Variants in MGAT4D observed in about 807,000 individuals in gnomAD.
MGAT4D encodes the protein MGAT4 family member D, also known as alpha-1,3-mannosyl-glycoprotein 4-beta-N-acetylglucosaminyltransferase-like protein MGAT4D.
A neutral mutation model predicts 15.9 loss-of-function variants in MGAT4D; 34 were observed. The observed-to-expected ratio is 2.14, with a 90% confidence interval of 1.62 to 2.84. MGAT4D has a LOEUF of 2.84. Ranked by LOEUF, MGAT4D falls within the 30% of genes most tolerant of loss-of-function variation. The pLI, the probability that MGAT4D is intolerant of heterozygous loss-of-function variation, is 0.00. For missense variants in MGAT4D, 327 were observed against 140.2 expected (o/e 2.33, Z -6.73); for synonymous variants, 112 against 48.2 (o/e 2.33, Z -5.49).
intron 6 of MGAT4D, 142 bp downstream of exon 6, chr4:140,464,754 G>A (rs1731418195): frequency 5.0e-6 from 3 of 594,276 alleles, no homozygotes; most frequent in Non-Finnish European, 6.0e-6. Flanking sequence ...GGGAAGTGAT[G>A]CACATAGTTG....
chr4:140,456,785 A>G (rs1730836412), intron 8 of MGAT4D, 66 bp from the exon 9 acceptor site: 4 of 547,726 alleles, frequency 7.3e-6, no homozygotes, highest in Non-Finnish European at 1.3e-5. Context: ...TTAACATGGG[A>G]AAAAGCAAAA....
At chr4:140,492,500 C>G (rs1439901054) in intron 1 of MGAT4D, among the ~76,000 whole-genome samples, 1 of 152,036 alleles carries the variant, frequency 6.6e-6, no homozygotes, top group Non-Finnish European at 1.5e-5. Flanking sequence ...TGGTGGCACG[C>G]GCCTGTAGTC....
At chr4:140,489,387 G>A (rs1229397970) in intron 1 of MGAT4D, among the ~76,000 whole-genome samples, 1 of 152,022 alleles carries the variant, frequency 6.6e-6, no homozygotes, top group Non-Finnish European at 1.5e-5. Context: ...ACATTACAAA[G>A]CGTATATAAG....
At chr4:140,491,813 T>C (rs1019867529) in intron 1 of MGAT4D, among the ~76,000 whole-genome samples, 6 of 151,884 alleles carry the variant, frequency 4.0e-5, no homozygotes, top group African/African-American at 7.3e-5. Context: ...TCCAGAGAAA[T>C]TGAAACCACC....
At chr4:140,469,256 C>T (rs1731752045) in intron 5 of MGAT4D, among the ~76,000 whole-genome samples, 1 of 152,156 alleles carries the variant, frequency 6.6e-6, no homozygotes, top group African/African-American at 2.4e-5. Flanking sequence ...TTTTCTGCCA[C>T]GTTTGTTTCA....
At chr4:140,460,428 T>C (rs962696932) in intron 7 of MGAT4D, among the ~76,000 whole-genome samples, 1 of 152,196 alleles carries the variant, frequency 6.6e-6, no homozygotes, top group Non-Finnish European at 1.5e-5. Context: ...CTGAGGTATC[T>C]TTTATAAGGG....
intron 1 of MGAT4D, among the ~76,000 whole-genome samples, chr4:140,490,975 T>A (rs1204553070): frequency 6.6e-6 from 1 of 152,228 alleles, no homozygotes; most frequent in Non-Finnish European, 1.5e-5. Flanking sequence ...AACTAGATAT[T>A]CCAACATGAA....
At chr4:140,480,113 T>A (rs946402745) in intron 2 of MGAT4D, among the ~76,000 whole-genome samples, 7 of 152,092 alleles carry the variant, frequency 4.6e-5, no homozygotes, top group African/African-American at 1.4e-4. Flanking sequence ...AGCAATGTAG[T>A]CAAAACAGTG....
intron 1 of MGAT4D, among the ~76,000 whole-genome samples, chr4:140,483,887 A>C (rs1376998079): frequency 6.6e-6 from 1 of 152,212 alleles, no homozygotes; most frequent in Admixed American, 6.5e-5. Context: ...CTTAAGTGTA[A>C]GACCTGAAAC....
intron 1 of MGAT4D, among the ~76,000 whole-genome samples, chr4:140,483,103 C>T (rs1732854500): frequency 1.3e-5 from 2 of 152,108 alleles, no homozygotes; most frequent in African/African-American, 4.8e-5. Flanking sequence ...TTTTTATTTG[C>T]CTCTGCTCCT....
chr4:140,485,202 C>T (rs1733020661), intron 1 of MGAT4D, among the ~76,000 whole-genome samples: 1 of 152,132 alleles, frequency 6.6e-6, no homozygotes, highest in Admixed American at 6.5e-5. Context: ...ACATATACAC[C>T]ATGGAATACT....
intron 3 of MGAT4D, among the ~76,000 whole-genome samples, chr4:140,478,455 T>C (rs10003126): frequency 0.032 from 4,882 of 152,330 alleles, 264 homozygotes; most frequent in African/African-American, 0.11. Flanking sequence ...TTGTCTAGCA[T>C]GTACTTTCTC....
chr4:140,460,332 T>C (rs1731092386), intron 7 of MGAT4D, among the ~76,000 whole-genome samples: 1 of 152,178 alleles, frequency 6.6e-6, no homozygotes, highest in South Asian at 2.1e-4. Context: ...AACAAGGTGC[T>C]AGCAGGCTTA....
chr4:140,455,643 C>T (rs67831024), intron 9 of MGAT4D, among the ~76,000 whole-genome samples: 29,443 of 152,058 alleles, frequency 0.19, 2,929 homozygotes, highest in South Asian at 0.28. Context: ...TTCTGTTGAT[C>T]ACTGAGAGAG....
intron 1 of MGAT4D, among the ~76,000 whole-genome samples, chr4:140,493,122 A>G (rs1399059509): frequency 6.6e-6 from 1 of 152,138 alleles, no homozygotes; most frequent in Admixed American, 6.5e-5. Flanking sequence ...GACATGTAAT[A>G]CATAGGTAAG....
At chr4:140,460,229 C>T (rs1731084457) in intron 7 of MGAT4D, among the ~76,000 whole-genome samples, 1 of 152,154 alleles carries the variant, frequency 6.6e-6, no homozygotes, top group Admixed American at 6.5e-5. Context: ...TGTCTTAGTC[C>T]ATTTGAGCTG....
At position 140,483,191 on chromosome 4, in the gene MGAT4D, GT is replaced by G. The variant is rs768101360; in HGVS notation, c.95-707del. Among the ~76,000 whole-genome samples the G allele has an allele frequency of 2.0e-5, 3 of 152,078 alleles. No homozygotes were observed. The South Asian group carries it at 6.2e-4, about 31-fold the overall frequency. On this transcript the variant is annotated intron_variant, in intron 1 of 10. Coordinates refer to ENST00000511113, the MANE Select transcript of MGAT4D (RefSeq NM_001277353.2). Reference sequence around the variant, plus strand: ...GTAGTGCTGATGCACATAAACTAAAGTTTCAGGATACAAAATCAACAGTAGA... The same window carrying G: ...GTAGTGCTGATGCACATAAACTAAAGTTCAGGATACAAAATCAACAGTAGA...
At chr4:140,447,094 G>C (rs1197144686) in intron 10 of MGAT4D, among the ~76,000 whole-genome samples, 1 of 151,550 alleles carries the variant, frequency 6.6e-6, no homozygotes, top group Non-Finnish European at 1.5e-5. Context: ...TTGAGGTTTT[G>C]TTTTGCATTT....
intron 1 of MGAT4D, among the ~76,000 whole-genome samples, chr4:140,490,222 ATT>A (rs1733412810): frequency 6.6e-6 from 1 of 152,194 alleles, no homozygotes; most frequent in Non-Finnish European, 1.5e-5. Context: ...CTTTGCTGAT[ATT>A]GATAAACCAC....
Sources: gnomAD v4.1 joint callset for allele counts (sites outside exome capture counted in the v4.1 genomes callset) on GRCh38, gnomAD v4.1.1 for gene constraint, MANE v1.5 for transcripts, NCBI Gene and HGNC (gene_info 2026-07-23, HGNC 2026-07-21) for gene names.